CYFIP1: variants seen among roughly 807,000 people sequenced by gnomAD.
CYFIP1 encodes cytoplasmic FMR1-interacting protein 1.
Under a neutral mutation model 163.5 loss-of-function variants are expected in CYFIP1, and 58 were observed. That is an observed-to-expected ratio of 0.35 (90% CI 0.29 to 0.44). The LOEUF (loss-of-function observed/expected upper bound fraction) is 0.44, where lower values mean the gene tolerates loss of function less well. CYFIP1 is among the 20% of genes least tolerant of loss of function. The pLI is 1.00. For synonymous variants in CYFIP1, 663 were observed against 660.7 expected, an observed-to-expected ratio of 1.00 and a Z score of -0.05; for missense variants, 1,338 against 1,653.8, an observed-to-expected ratio of 0.81 and a Z score of 3.31.
chr15:22,957,595 C>T (rs1030067812), intron 1 of CYFIP1, among the ~76,000 whole-genome samples: 3 of 152,176 alleles, frequency 2.0e-5, no homozygotes, highest in Non-Finnish European at 2.9e-5. Flanking sequence ...GAGATCGTGT[C>T]ACTGCACTCC....
intron 12 of CYFIP1, among the ~76,000 whole-genome samples, chr15:22,926,429 T>C (rs1227075384): frequency 6.6e-6 from 1 of 152,112 alleles, no homozygotes; most frequent in Non-Finnish European, 1.5e-5. Context: ...CCCCAGCACT[T>C]GGGAGGTTGA....
chr15:22,885,424 C>T (rs955790786), intron 23 of CYFIP1, among the ~76,000 whole-genome samples: 11 of 152,174 alleles, frequency 7.2e-5, no homozygotes, highest in Admixed American at 6.5e-5. Context: ...ATAGCACCAT[C>T]AGCATTTTGG....
rs1425668088 is a variant in CYFIP1 at position 22,869,362 on chromosome 15, C to T, written c.*666G>A. Reference sequence around the variant, plus strand: ...TGTCACGGTCCCATCCCACCTCAGCCTTAGAGGTGACCTCCATCCCAGCTG... The same window carrying T: ...TGTCACGGTCCCATCCCACCTCAGCTTTAGAGGTGACCTCCATCCCAGCTG... On this transcript the variant is annotated 3_prime_UTR_variant, in exon 31 of 31. Coordinates refer to ENST00000617928, the MANE Select transcript of CYFIP1 (RefSeq NM_014608.6). 1 of 152,192 alleles carries T rather than the reference C, an allele frequency of 6.6e-6. No homozygotes were observed. Among genetic ancestry groups the T allele is most frequent in the East Asian group, 1.9e-4 (1 of 5,206 alleles). The allele number at this position is 152,192 out of a possible 1,614,324, so 9.4% of individuals were successfully genotyped here. A position where few individuals can be genotyped will look rare whatever the true frequency, so the allele number is the denominator to read the frequency against.
chr15:22,941,651 G>C (rs758525197), intron 6 of CYFIP1, among the ~76,000 whole-genome samples: 2 of 152,006 alleles, frequency 1.3e-5, no homozygotes, highest in Non-Finnish European at 2.9e-5. Flanking sequence ...TAAGAGCTAC[G>C]GAACTGCCCC....
At position 22,944,673 on chromosome 15, in the gene CYFIP1, A is replaced by T. The variant is rs1302632442; in HGVS notation, c.286-14T>A. On this transcript the variant is annotated splice_polypyrimidine_tract_variant and intron_variant, in intron 4 of 30. Transcript: ENST00000617928. Reference sequence around the variant, plus strand: ...GTTACATTTCACCTGGGAATAAAGGAACAAGGATGACATAAGAGGCTTTGA... The same window carrying T: ...GTTACATTTCACCTGGGAATAAAGGTACAAGGATGACATAAGAGGCTTTGA... The T allele has an allele frequency of 6.2e-7, 1 of 1,607,584 alleles. No homozygotes were observed. Among genetic ancestry groups the T allele is most frequent in the Admixed American group, 1.7e-5 (1 of 60,014 alleles).
chr15:22,880,431 G>A (rs894331410), intron 25 of CYFIP1, among the ~76,000 whole-genome samples: 7 of 152,234 alleles, frequency 4.6e-5, no homozygotes, highest in African/African-American at 1.4e-4. Context: ...CACCTAATCT[G>A]AGAAAGGGCA....
intron 1 of CYFIP1, among the ~76,000 whole-genome samples, chr15:22,971,531 G>A (rs527832993): frequency 1.3e-5 from 2 of 152,136 alleles, no homozygotes; most frequent in East Asian, 3.9e-4. Flanking sequence ...AATTAGCCAG[G>A]CGTGGTAGTG....
chr15:22,879,570 C>T (rs899897817), intron 26 of CYFIP1, among the ~76,000 whole-genome samples: 4 of 152,232 alleles, frequency 2.6e-5, no homozygotes, highest in East Asian at 3.9e-4. Flanking sequence ...AACTGCTCAG[C>T]GGCCTCAGGC....
At chr15:22,931,486 C>G (rs927413091) in intron 11 of CYFIP1, among the ~76,000 whole-genome samples, 3 of 152,022 alleles carry the variant, frequency 2.0e-5, no homozygotes, top group African/African-American at 7.2e-5. Context: ...CTCCTGCTCA[C>G]CTCTGGCCTC....
At chr15:22,902,507 A>C (rs1310572091) in intron 22 of CYFIP1, among the ~76,000 whole-genome samples, 1 of 152,150 alleles carries the variant, frequency 6.6e-6, no homozygotes, top group Non-Finnish European at 1.5e-5. Context: ...ATGATTTCCC[A>C]TTTTTCTATA....
At chr15:22,947,984 G>A (rs7171022) in intron 1 of CYFIP1, 1 of 982,338 alleles carries the variant, frequency 1.0e-6, no homozygotes, top group African/African-American at 1.8e-5. Context: ...GGGTACTCAG[G>A]AGGAGCTCTG....
chr15:22,917,423 GC>G lies in CYFIP1; in HGVS notation c.1674+364del. 1 of 629,248 alleles carries G rather than the reference GC, an allele frequency of 1.6e-6. No homozygotes were observed. Among genetic ancestry groups the G allele is most frequent in the Admixed American group, 4.1e-5 (1 of 24,218 alleles). 39.0% of individuals were successfully genotyped at this position (629,248 alleles called of 1,614,324 possible). Reference sequence around the variant, plus strand: ...CAAGCAGCACCTCACAGTTTCCCACGCCCCATCTACAGTCATTTGCAGACCC... The same window carrying G: ...CAAGCAGCACCTCACAGTTTCCCACGCCCATCTACAGTCATTTGCAGACCC... On this transcript the variant is annotated intron_variant, in intron 15 of 30. Coordinates refer to ENST00000617928, the MANE Select transcript of CYFIP1 (RefSeq NM_014608.6). The surrounding 1 kb of genome is among the most constrained non-coding windows in gnomAD (Gnocchi z 4.2).
At chr15:22,911,327 T>G (rs752298523) in intron 18 of CYFIP1, among the ~76,000 whole-genome samples, 2 of 152,132 alleles carry the variant, frequency 1.3e-5, no homozygotes, top group Non-Finnish European at 2.9e-5. Context: ...AATATTCCTA[T>G]TCTCTGAAAT....
chr15:22,932,274 G>C lies in CYFIP1; in HGVS notation c.1059C>G (p.Arg353=), dbSNP rs201907927. ...CCGAAATGAAGCGCATGTGGTCCTCGCGGATCTGGATCATCTGCTCGCAGA... is the reference window on the plus strand; with the variant it reads ...CCGAAATGAAGCGCATGTGGTCCTCCCGGATCTGGATCATCTGCTCGCAGA... ...YNICEQMIQI[R]EDHMRFISEL... The change falls in exon 11 of 31, where the codon CGC becomes CGG. Residue 353 remains arginine, a synonymous_variant. Coordinates refer to ENST00000617928, the MANE Select transcript of CYFIP1 (RefSeq NM_014608.6). The C allele has an allele frequency of 1.2e-6, 2 of 1,613,208 alleles. No individual in the cohort carries two copies. The highest frequency in any genetic ancestry group is 4.5e-5 in the East Asian group (2 of 44,800).
intron 22 of CYFIP1, among the ~76,000 whole-genome samples, chr15:22,897,262 GAGA>G (rs2060265876): frequency 6.6e-6 from 1 of 151,894 alleles, no homozygotes; most frequent in Non-Finnish European, 1.5e-5. Context: ...AGAATAAAAT[GAGA>G]AGGTCTAACT....
rs938405039 is a variant in CYFIP1 at position 22,944,794 on chromosome 15, C to T, written c.285+68G>A. On this transcript the variant is annotated intron_variant, in intron 4 of 30. Coordinates refer to ENST00000617928, the MANE Select transcript of CYFIP1 (RefSeq NM_014608.6). ...GAGAGTGGGCCAGGCATGGCAGGGG[C>T]AGGGGTGTGGTGTGGCAGGGGCCTG... is the stretch of plus-strand genomic sequence containing the variant. 3.9e-6 allele frequency: 6 copies of T among 1,556,498 alleles called. No individual in the cohort carries two copies. In the East Asian group the frequency reaches 1.3e-4, roughly 35 times the overall value.
intron 23 of CYFIP1, among the ~76,000 whole-genome samples, chr15:22,889,688 G>C (rs958850032): frequency 6.6e-6 from 1 of 152,146 alleles, no homozygotes; most frequent in Non-Finnish European, 1.5e-5. Flanking sequence ...GGGTGACAGA[G>C]GAGCCTCTCT....
chr15:22,951,837 G>A (rs1470443487), intron 1 of CYFIP1, among the ~76,000 whole-genome samples: 2 of 152,164 alleles, frequency 1.3e-5, no homozygotes, highest in South Asian at 2.1e-4. Flanking sequence ...AGAACTGCTC[G>A]TGCGTCAGCT....
At chr15:22,962,071 G>C (rs780998709) in intron 1 of CYFIP1, among the ~76,000 whole-genome samples, 1 of 152,102 alleles carries the variant, frequency 6.6e-6, no homozygotes, top group Non-Finnish European at 1.5e-5. Context: ...AGCTGCTCAG[G>C]TGAGAAACAG....
Sources: gnomAD v4.1 joint callset for allele counts (sites outside exome capture counted in the v4.1 genomes callset) on GRCh38, gnomAD v4.1.1 for gene constraint, Gnocchi (gnomAD v3.1) non-coding constraint, MANE v1.5 for transcripts, NCBI Gene and HGNC (gene_info 2026-07-23, HGNC 2026-07-21) for gene names.